DIP2A: variants seen among roughly 807,000 people sequenced by gnomAD.
The protein encoded by DIP2A is DIP2 acetate--CoA ligase A.
Under a neutral mutation model 177.4 loss-of-function variants are expected in DIP2A, and 85 were observed. The observed-to-expected ratio is 0.48, with a 90% CI of 0.40 to 0.57. The LOEUF (loss-of-function observed/expected upper bound fraction) is 0.57. DIP2A is among the 20% of genes least tolerant of loss of function. The pLI is 0.00. For missense variants in DIP2A, 1,791 were observed against 2,100.2 expected (o/e 0.85, Z 2.88); for synonymous variants, 886 against 881.8 (o/e 1.00, Z -0.08).
At chr21:46,538,397 T>C in intron 15 of DIP2A, 86 bp from the exon 16 acceptor site, 1 of 1,483,926 alleles carries the variant, frequency 6.7e-7, no homozygotes, top group Non-Finnish European at 9.0e-7. Flanking sequence ...TACACCTCTC[T>C]GTGGGATGAG....
At chr21:46,549,635 TGCAG>T in intron 21 of DIP2A, 132 bp from the exon 22 acceptor site, 1 of 1,458,964 alleles carries the variant, frequency 6.9e-7, no homozygotes, top group Admixed American at 2.2e-5. Flanking sequence ...TTTTTGAATG[TGCAG>T]CAGGTAGCCC....
chr21:46,543,795 C>G (rs2059921864), intron 18 of DIP2A, among the ~76,000 whole-genome samples: 1 of 152,188 alleles, frequency 6.6e-6, no homozygotes, highest in African/African-American at 2.4e-5. Flanking sequence ...TGATGGCTGC[C>G]TGGATGGCCA....
At chr21:46,513,999 A>C (rs2058430767) in intron 8 of DIP2A, among the ~76,000 whole-genome samples, 1 of 152,098 alleles carries the variant, frequency 6.6e-6, no homozygotes, top group East Asian at 1.9e-4. Flanking sequence ...TTCTGTCAGT[A>C]ATGTTTTTAT....
At chr21:46,547,213 G>A in intron 21 of DIP2A, 171 bp downstream of exon 21, 2 of 1,412,338 alleles carry the variant, frequency 1.4e-6, no homozygotes, top group Non-Finnish European at 1.8e-6. Flanking sequence ...AATGATACCA[G>A]AGTTAATATC....
chr21:46,535,660 G>A (rs987921871), intron 13 of DIP2A, among the ~76,000 whole-genome samples: 1 of 152,210 alleles, frequency 6.6e-6, no homozygotes, highest in African/African-American at 2.4e-5. Flanking sequence ...TTTTACTTGA[G>A]ATTTGGAAAG....
rs371901616 is a variant in DIP2A at position 46,565,801 on chromosome 21, T to C, written c.4253T>C (p.Leu1418Pro). Residue 1418 changes from leucine (L) to proline (P), a missense_variant, in exon 36 of 38, where the codon CTG (leucine) becomes CCG (proline). Coordinates refer to ENST00000417564, the MANE Select transcript of DIP2A (RefSeq NM_015151.4). ...CATGCCGACCACTTCAGTGCCCGGC[T>C]GAGTTTTGGAGACACACAGACCATC... ...ALHADHFSARLSFGDTQTIWA... is the reference protein window; with the variant it reads ...ALHADHFSARPSFGDTQTIWA... The C allele has an allele frequency of 3.7e-6, 6 of 1,613,864 alleles. No homozygotes were observed. The African/African-American group carries it at 8.0e-5, about 22-fold the overall frequency.
intron 6 of DIP2A, among the ~76,000 whole-genome samples, chr21:46,506,404 C>T (rs1042205214): frequency 6.6e-6 from 1 of 152,180 alleles, no homozygotes; most frequent in African/African-American, 2.4e-5. Flanking sequence ...AGGTGTGAGC[C>T]ACCATACCCA....
chr21:46,518,231 C>A (rs148942542), intron 8 of DIP2A, among the ~76,000 whole-genome samples: 19 of 152,128 alleles, frequency 1.2e-4, no homozygotes, highest in African/African-American at 4.6e-4. Flanking sequence ...GTGTGTGCCA[C>A]GTGGTAGCTA....
At chr21:46,514,134 T>C (rs542600035) in intron 8 of DIP2A, among the ~76,000 whole-genome samples, 1 of 152,230 alleles carries the variant, frequency 6.6e-6, no homozygotes, top group African/African-American at 2.4e-5. Context: ...ATTATTATTA[T>C]TTTAAAATGA....
At position 46,563,794 on chromosome 21, in the gene DIP2A, A is replaced by G; in HGVS notation, c.4090-64A>G. On this transcript the variant is annotated intron_variant, in intron 34 of 37. Transcript: ENST00000417564. This position sits in a 1 kb window ranked among gnomAD's most constrained non-coding sequence, Gnocchi z 4.3. Reference sequence around the variant, plus strand: ...TTCTGAGGGACGTTATTTTAATGTCACTGAATCAAGAGAGTCTCGTGTCAT... The same window carrying G: ...TTCTGAGGGACGTTATTTTAATGTCGCTGAATCAAGAGAGTCTCGTGTCAT... 1 of 1,584,830 alleles carries G rather than the reference A, an allele frequency of 6.3e-7. No individual in the cohort carries two copies. Among genetic ancestry groups the G allele is most frequent in the Non-Finnish European group, 8.6e-7 (1 of 1,165,604 alleles).
intron 1 of DIP2A, among the ~76,000 whole-genome samples, chr21:46,475,093 T>G (rs1163708092): frequency 6.6e-6 from 1 of 152,248 alleles, no homozygotes; most frequent in Non-Finnish European, 1.5e-5. Flanking sequence ...CTTAACACTC[T>G]TCCTAACTGT....
intron 1 of DIP2A, among the ~76,000 whole-genome samples, chr21:46,474,994 G>C (rs1045860762): frequency 6.6e-6 from 1 of 152,194 alleles, no homozygotes; most frequent in East Asian, 1.9e-4. Flanking sequence ...AGAGTCTGCT[G>C]ATGTATTCCT....
At chr21:46,552,327 A>C (rs2060304040) in intron 25 of DIP2A, among the ~76,000 whole-genome samples, 1 of 152,228 alleles carries the variant, frequency 6.6e-6, no homozygotes, top group Non-Finnish European at 1.5e-5. Flanking sequence ...TTTAAATGAC[A>C]AATGTTGCTT....
In DIP2A at chr21:46,534,297, C is replaced by T. The variant is rs899628403; in HGVS notation, c.1539+184C>T. Among the ~76,000 whole-genome samples, 14 of 152,298 alleles carry T rather than the reference C, an allele frequency of 9.2e-5. No individual in the cohort carries two copies. The East Asian group carries it at 1.5e-3, about 17-fold the overall frequency. On this transcript the variant is annotated intron_variant, in intron 12 of 37. Transcript: ENST00000417564. ...CTTGCTCAGATCCTTCCAGGTTTCT[C>T]TCTCATCTAATTCTCTCCTAACTGG...
intron 1 of DIP2A, among the ~76,000 whole-genome samples, chr21:46,473,755 A>T (rs901405605): frequency 1.3e-5 from 2 of 152,084 alleles, no homozygotes; most frequent in African/African-American, 4.8e-5. Context: ...ACTTCAAGTG[A>T]TCCACCCACT....
At chr21:46,480,038 G>A (rs1000293767) in intron 1 of DIP2A, among the ~76,000 whole-genome samples, 3 of 150,950 alleles carry the variant, frequency 2.0e-5, no homozygotes, top group African/African-American at 7.3e-5. Context: ...TCTGTGTCAC[G>A]AGCTTGGAGA....
intron 36 of DIP2A, among the ~76,000 whole-genome samples, 166 bp from the exon 37 acceptor site, chr21:46,566,394 C>T (rs1219425688): frequency 1.3e-5 from 2 of 152,206 alleles, no homozygotes; most frequent in African/African-American, 4.8e-5. Context: ...ACAGCCTGCT[C>T]TGCCAGGACC....
In DIP2A at chr21:46,498,022, C is replaced by T. The variant is rs527937034; in HGVS notation, c.404-560C>T. 2.0e-4 allele frequency among the ~76,000 whole-genome samples: 30 copies of T among 152,306 alleles called. No individual in the cohort carries two copies. The highest frequency in any genetic ancestry group is 1.0e-3 in the South Asian group (5 of 4,828). ...ATTTTGTTGTCTGAAGCAATTTTCT[C>T]GGAGAAGGAATTGTTTTTAGGGCTA... On this transcript the variant is annotated intron_variant, in intron 4 of 37. Transcript: ENST00000417564. This position sits in a 1 kb window ranked among gnomAD's most constrained non-coding sequence, Gnocchi z 4.3.
At chr21:46,554,786 G>GGGGGGGGGGC in intron 27 of DIP2A, 36 bp from the exon 28 acceptor site, 2 of 1,518,966 alleles carry the variant, frequency 1.3e-6, no homozygotes, top group Non-Finnish European at 1.8e-6. Context: ...AGCTTGAGAG[G>GGGGGGGGGGC]CCCCGCCCAC....
Sources: allele counts gnomAD v4.1 joint callset (sites outside exome capture counted in the v4.1 genomes callset), GRCh38; gene constraint gnomAD v4.1.1; non-coding constraint Gnocchi (gnomAD v3.1); transcripts MANE v1.5; gene names NCBI Gene and HGNC (gene_info 2026-07-23, HGNC 2026-07-21).